Variants in COL6A6 observed in about 807,000 individuals in gnomAD.
COL6A6 encodes collagen type VI alpha 6 chain, also known as collagen alpha-6(VI) chain.
A neutral mutation model predicts 208.6 loss-of-function variants in COL6A6; 183 were observed. The ratio of observed to expected loss-of-function variants is 0.88; its 90% confidence interval spans 0.78 to 0.99. COL6A6 has a LOEUF of 0.99. Among genes scored for constraint, COL6A6 ranks in the 50% least tolerant of loss-of-function variants. The pLI, the probability that COL6A6 is intolerant of heterozygous loss-of-function variation, is 0.00. For synonymous variants in COL6A6, 973 were observed against 1,011.8 expected (o/e 0.96, Z 0.73); for missense variants, 2,816 against 2,815.2 (o/e 1.00, Z -0.01).
chr3:130,618,677 A>G (rs1490092723), intron 23 of COL6A6, among the ~76,000 whole-genome samples: 1 of 152,236 alleles, frequency 6.6e-6, no homozygotes, highest in Non-Finnish European at 1.5e-5. Flanking sequence ...TTATTCATCT[A>G]AGTCACAAAC....
rs947801261 is a variant in COL6A6 at position 130,676,557 on chromosome 3, C to A, written c.*1160C>A. 2.0e-5 allele frequency: 3 copies of A among 152,182 alleles called. No individual in the cohort carries two copies. Among genetic ancestry groups the A allele is most frequent in the African/African-American group, 7.2e-5 (3 of 41,432 alleles). 9.4% of individuals were successfully genotyped at this position (152,182 alleles called of 1,614,324 possible). A position where few individuals can be genotyped will look rare whatever the true frequency, so the allele number is the denominator to read the frequency against. Reference sequence around the variant, plus strand: ...CAATGGCCCTGTTAGGCAGACTGTCCCCCTCTTTGGGAATGGAAAGAAGCC... The same window carrying A: ...CAATGGCCCTGTTAGGCAGACTGTCACCCTCTTTGGGAATGGAAAGAAGCC... On this transcript the variant is annotated 3_prime_UTR_variant, in exon 37 of 37. Transcript: ENST00000358511.
At chr3:130,553,605 T>C (rs1029968688) in intron 1 of COL6A6, among the ~76,000 whole-genome samples, 4 of 152,150 alleles carry the variant, frequency 2.6e-5, no homozygotes, top group African/African-American at 9.6e-5. Flanking sequence ...TCTCTGAATC[T>C]TGATGATCTT....
intron 22 of COL6A6, among the ~76,000 whole-genome samples, chr3:130,609,200 T>A (rs2064277976): frequency 6.6e-6 from 1 of 152,208 alleles, no homozygotes. Context: ...GTGGTCCTTG[T>A]GTACTGGGTT....
At chr3:130,565,670 A>G in intron 4 of COL6A6, 56 bp downstream of exon 4, 1 of 1,513,946 alleles carries the variant, frequency 6.6e-7, no homozygotes, top group Non-Finnish European at 8.9e-7. Context: ...TTCTCTTTCA[A>G]ATATTCTGTA....
At position 130,675,145 on chromosome 3, in the gene COL6A6, A is replaced by G. The variant is rs1332275982; in HGVS notation, c.6597-57A>G. The G allele has an allele frequency of 6.8e-6, 7 of 1,034,684 alleles. No individual in the cohort carries two copies. In the Admixed American group the frequency reaches 1.7e-4, roughly 26 times the overall value. 64.1% of individuals were successfully genotyped at this position (1,034,684 alleles called of 1,614,324 possible). ...AATTTACTATGACAGATTAATATGT[A>G]GTCTATTAAAGTTGAAATGGCATTT... On this transcript the variant is annotated intron_variant, in intron 36 of 36. Transcript: ENST00000358511.
At chr3:130,592,400 C>A (rs2063739136) in intron 13 of COL6A6, 141 bp from the exon 14 acceptor site, 1 of 662,514 alleles carries the variant, frequency 1.5e-6, no homozygotes, top group African/African-American at 1.8e-5. Context: ...TATTTCTACT[C>A]TTAGTTTTTA....
At position 130,649,222 on chromosome 3, in the gene COL6A6, C is replaced by A. The variant is rs554895053; in HGVS notation, c.5393C>A (p.Ala1798Glu). Residue 1798 changes from alanine (A) to glutamate (E), a missense_variant, in exon 33 of 37, where the codon GCG (alanine) becomes GAG (glutamate). Transcript: ENST00000358511. ...KVRENSCPVG[A>E]HIAILSYNSH... is the part of the protein sequence containing the mutation. ...CGGGAGAACAGCTGCCCCGTGGGAG[C>A]GCACATCGCCATCCTCTCCTATAAC... The A allele has an allele frequency of 2.5e-6, 4 of 1,591,252 alleles. No individual in the cohort carries two copies. The highest frequency in any genetic ancestry group is 1.3e-5 in the African/African-American group (1 of 74,468).
At chr3:130,552,761 G>T (rs2062673768) in intron 1 of COL6A6, among the ~76,000 whole-genome samples, 1 of 152,186 alleles carries the variant, frequency 6.6e-6, no homozygotes, top group African/African-American at 2.4e-5. Context: ...ATGTACTTCA[G>T]TGTGTTTTTG....
chr3:130,668,917 G>T lies in COL6A6; in HGVS notation c.6596+3821G>T, dbSNP rs181765533. ...TTTAATAGATACATGCAGAACCCTG[G>T]ACAGAAAAATTAGACATTCTTCTGA... On this transcript the variant is annotated intron_variant, in intron 36 of 36. Coordinates refer to ENST00000358511, the MANE Select transcript of COL6A6 (RefSeq NM_001102608.3). Among the ~76,000 whole-genome samples, 11 of 152,244 alleles carry T rather than the reference G, an allele frequency of 7.2e-5. No homozygotes were observed. The East Asian group carries it at 2.1e-3, about 29-fold the overall frequency.
rs1222610033 is a variant in COL6A6, at chr3:130,581,719, C to G, written c.3706C>G (p.Gln1236Glu). ...GVSCEVGTETQVSVAFQVTNA... is the reference protein window; with the variant it reads ...GVSCEVGTETEVSVAFQVTNA... Reference sequence around the variant, plus strand: ...AAGCTGTGAGGTGGGCACAGAGACTCAGGTCAGTGTGGCTTTTCAAGTGAC... The same window carrying G: ...AAGCTGTGAGGTGGGCACAGAGACTGAGGTCAGTGTGGCTTTTCAAGTGAC... Residue 1236 changes from glutamine (Q) to glutamate (E), a missense_variant, in exon 9 of 37, where the codon CAG becomes GAG. Transcript: ENST00000358511. 5 of 1,613,852 alleles carry G rather than the reference C, an allele frequency of 3.1e-6. No homozygotes were observed. Among genetic ancestry groups the G allele is most frequent in the Non-Finnish European group, 4.2e-6 (5 of 1,179,862 alleles).
intron 1 of COL6A6, among the ~76,000 whole-genome samples, chr3:130,539,016 CCCCT>C (rs2107739577): frequency 6.6e-6 from 1 of 152,244 alleles, no homozygotes; most frequent in Admixed American, 6.5e-5. Context: ...CATGGGGTGG[CCCCT>C]GTCCACACAG....
chr3:130,592,911 TATTACTGA>T, intron 15 of COL6A6, 142 bp from the exon 16 acceptor site: 1 of 843,660 alleles, frequency 1.2e-6, no homozygotes, highest in Non-Finnish European at 1.9e-6. Flanking sequence ...TGATAGTTTC[TATTACTGA>T]GTAACCTTTA....
intron 1 of COL6A6, among the ~76,000 whole-genome samples, chr3:130,533,703 C>G (rs1280545121): frequency 2.0e-5 from 3 of 152,126 alleles, no homozygotes; most frequent in African/African-American, 7.2e-5. Flanking sequence ...TTTTAATGTA[C>G]CTCTGCTTAA....
Position 130,571,210 on chromosome 3 carries a change from A to G in COL6A6, c.2794A>G (p.Thr932Ala), listed in dbSNP as rs1163729523. 5 of 1,613,836 alleles carry G rather than the reference A, an allele frequency of 3.1e-6. No homozygotes were observed. Among genetic ancestry groups the G allele is most frequent in the Non-Finnish European group, 3.4e-6 (4 of 1,179,796 alleles). Residue 932 changes from threonine to alanine, a missense_variant, in exon 7 of 37, where the codon ACG becomes GCG. Thr to Ala is a moderately conservative substitution (Grantham distance 58). Transcript: ENST00000358511. ...ESHDADKLNA[T>A]AKALRDKGIL... ...CCATGATGCTGATAAACTCAATGCC[A>G]CGGCAAAGGCCTTGCGGGACAAAGG...
At chr3:130,642,788 G>A (rs369813390) in intron 29 of COL6A6, 44 bp from the exon 30 acceptor site, 725 of 1,576,078 alleles carry the variant, frequency 4.6e-4, no homozygotes, top group Non-Finnish European at 5.6e-4. Context: ...CTACTGATGT[G>A]TATGTCTAGA....
intron 23 of COL6A6, among the ~76,000 whole-genome samples, chr3:130,621,602 C>T (rs1041567526): frequency 2.0e-5 from 3 of 152,152 alleles, no homozygotes; most frequent in Admixed American, 1.3e-4. Flanking sequence ...CACAAGGAAG[C>T]ACAATTCTTT....
At chr3:130,552,882 G>A (rs1422285813) in intron 1 of COL6A6, among the ~76,000 whole-genome samples, 1 of 152,136 alleles carries the variant, frequency 6.6e-6, no homozygotes, top group Admixed American at 6.5e-5. Flanking sequence ...TTGTCTGAAA[G>A]GGACCTTATT....
intron 1 of COL6A6, among the ~76,000 whole-genome samples, chr3:130,543,856 T>G (rs1375807840): frequency 6.6e-6 from 1 of 152,226 alleles, no homozygotes; most frequent in East Asian, 1.9e-4. Context: ...ATTTTAATAT[T>G]TCTTGCAAAG....
intron 25 of COL6A6, 33 bp from the exon 26 acceptor site, chr3:130,627,286 T>G: frequency 1.2e-6 from 2 of 1,601,334 alleles, no homozygotes; most frequent in South Asian, 2.2e-5. Context: ...ATCTGTAGTC[T>G]GGGATGTTGG....
Sources: allele counts gnomAD v4.1 joint callset (sites outside exome capture counted in the v4.1 genomes callset), GRCh38; gene constraint gnomAD v4.1.1; transcripts MANE v1.5; gene names NCBI Gene and HGNC (gene_info 2026-07-23, HGNC 2026-07-21).